The following PRKG1 variants were observed in gnomAD, a reference collection of about 807,000 sequenced individuals.
PRKG1 encodes cGMP-dependent protein kinase 1.
In PRKG1, 35 loss-of-function variants were observed where a neutral mutation model predicts 88.1. The ratio of observed to expected loss-of-function variants is 0.40; its 90% CI spans 0.30 to 0.53. The LOEUF (loss-of-function observed/expected upper bound fraction) is 0.53, where lower values mean the gene tolerates loss of function less well. PRKG1 is among the 20% of genes least tolerant of loss of function. PRKG1 has a pLI of 0.59. For synonymous variants in PRKG1, 303 were observed against 292.5 expected, an observed-to-expected ratio of 1.04 and a Z score of -0.37; for missense variants, 540 against 839.8, an observed-to-expected ratio of 0.64 and a Z score of 4.41.
At chr10:51,678,402 A>G (rs1191077873) in intron 3 of PRKG1, among the ~76,000 whole-genome samples, 12 of 152,220 alleles carry the variant, frequency 7.9e-5, no homozygotes. Flanking sequence ...TTTTTTAAAT[A>G]ATAAATTGAA....
chr10:51,661,429 GAC>G (rs1348430658), intron 3 of PRKG1, among the ~76,000 whole-genome samples: 6 of 152,214 alleles, frequency 3.9e-5, no homozygotes, highest in Admixed American at 2.0e-4. Flanking sequence ...GATATGAACA[GAC>G]ACTTCTCAAA....
chr10:51,114,740 G>T (rs9299465), intron 1 of PRKG1, among the ~76,000 whole-genome samples: 120,150 of 151,892 alleles, frequency 0.79, 48,233 homozygotes, highest in South Asian at 0.88. Flanking sequence ...ACTCTTTTCA[G>T]CTGGACAGTT....
intron 7 of PRKG1, among the ~76,000 whole-genome samples, chr10:52,099,494 A>G (rs1327814441): frequency 6.6e-6 from 1 of 152,190 alleles, no homozygotes; most frequent in African/African-American, 2.4e-5. Context: ...ATTTTGACAC[A>G]GGCCTTATTG....
rs374912680 is a variant in PRKG1, at chr10:51,230,928, C to A, written c.478+77598C>A. ...AGGCACTTTAAAGGAAAAATATGGT[C>A]ATTTTTAAGTGCACTTGCAGAGAGC... On this transcript the variant is annotated intron_variant, in intron 2 of 17. Transcript: ENST00000373980. 3.3e-5 allele frequency among the ~76,000 whole-genome samples: 5 copies of A among 152,092 alleles called. No individual in the cohort carries two copies. The South Asian group carries it at 8.3e-4, about 25-fold the overall frequency.
intron 3 of PRKG1, among the ~76,000 whole-genome samples, chr10:51,567,332 G>T (rs2132160705): frequency 6.6e-6 from 1 of 152,174 alleles, no homozygotes; most frequent in Admixed American, 6.6e-5. Flanking sequence ...CTATCAGGAT[G>T]CTGGTCCCTG....
At chr10:51,067,590 A>G (rs1264416973) in intron 1 of PRKG1, among the ~76,000 whole-genome samples, 1 of 152,040 alleles carries the variant, frequency 6.6e-6, no homozygotes, top group East Asian at 1.9e-4. Flanking sequence ...ATGATTTTCT[A>G]AAGAAACTAG....
chr10:51,379,378 G>C (rs764006861), intron 2 of PRKG1, among the ~76,000 whole-genome samples: 19 of 152,142 alleles, frequency 1.2e-4, no homozygotes, highest in African/African-American at 1.9e-4. Context: ...TACCTGTAAA[G>C]TTATTTTCAT....
intron 2 of PRKG1, among the ~76,000 whole-genome samples, chr10:51,207,785 C>T (rs564014519): frequency 6.6e-6 from 1 of 152,166 alleles, no homozygotes; most frequent in Non-Finnish European, 1.5e-5. Context: ...GTGTAGGGTT[C>T]TCTCTAATTC....
intron 4 of PRKG1, among the ~76,000 whole-genome samples, chr10:51,805,232 C>T (rs554524374): frequency 1.3e-5 from 2 of 151,858 alleles, no homozygotes; most frequent in Non-Finnish European, 2.9e-5. Context: ...TCATTTTATG[C>T]TACAGGTTTG....
intron 1 of PRKG1, among the ~76,000 whole-genome samples, chr10:51,124,731 T>C (rs2131922515): frequency 6.6e-6 from 1 of 152,320 alleles, no homozygotes; most frequent in African/African-American, 2.4e-5. Context: ...TCTATAATCC[T>C]TTTGTTTGCT....
At chr10:51,874,312 A>G (rs1841235870) in intron 4 of PRKG1, among the ~76,000 whole-genome samples, 1 of 152,250 alleles carries the variant, frequency 6.6e-6, no homozygotes, top group Non-Finnish European at 1.5e-5. Context: ...CATTAAAAAT[A>G]CATGGATGTT....
intron 2 of PRKG1, among the ~76,000 whole-genome samples, chr10:51,295,642 CCTCTTCTT>C (rs1840700787): frequency 7.6e-6 from 1 of 130,988 alleles, no homozygotes; most frequent in South Asian, 2.5e-4. Context: ...CCTTTCCTTT[CCTCTTCTT>C]TTCTTTTCTT....
At chr10:51,524,057 G>GT (rs1455835066) in intron 3 of PRKG1, among the ~76,000 whole-genome samples, 2 of 152,048 alleles carry the variant, frequency 1.3e-5, no homozygotes, top group Non-Finnish European at 2.9e-5. Flanking sequence ...TTGTTTAGAA[G>GT]TTTGTGGCAC....
intron 3 of PRKG1, among the ~76,000 whole-genome samples, chr10:51,555,383 T>G (rs1837284193): frequency 6.6e-6 from 1 of 152,082 alleles, no homozygotes; most frequent in Admixed American, 6.6e-5. Flanking sequence ...GGATGCTCAG[T>G]TCACTTGAGA....
At chr10:51,228,592 AAG>A (rs528579931) in intron 2 of PRKG1, among the ~76,000 whole-genome samples, 4 of 151,756 alleles carry the variant, frequency 2.6e-5, no homozygotes, top group Admixed American at 6.6e-5. Flanking sequence ...TTATGGGAGA[AAG>A]AGAGAGAGAG....
At chr10:51,113,743 A>AAAC (rs1189081909) in intron 1 of PRKG1, among the ~76,000 whole-genome samples, 28 of 131,546 alleles carry the variant, frequency 2.1e-4, no homozygotes, top group Admixed American at 8.0e-4. Flanking sequence ...AAAAAAAAAA[A>AAAC]AAAAAACTAA....
chr10:52,108,627 T>C (rs940633715), intron 7 of PRKG1, among the ~76,000 whole-genome samples: 3 of 152,172 alleles, frequency 2.0e-5, no homozygotes, highest in Non-Finnish European at 4.4e-5. Context: ...ATGATGTTGT[T>C]CACTAAATTA....
At chr10:52,106,420 A>T (rs1847423562) in intron 7 of PRKG1, among the ~76,000 whole-genome samples, 1 of 152,122 alleles carries the variant, frequency 6.6e-6, no homozygotes, top group African/African-American at 2.4e-5. Context: ...ACCTCTGGCA[A>T]CCTTTTCCTC....
chr10:51,774,158 G>C (rs1003340835), intron 3 of PRKG1, among the ~76,000 whole-genome samples: 6 of 152,010 alleles, frequency 3.9e-5, no homozygotes, highest in Non-Finnish European at 7.4e-5. Flanking sequence ...TTACTACCTA[G>C]AGAGCTTAAT....
Sources: gnomAD v4.1 joint callset for allele counts (sites outside exome capture counted in the v4.1 genomes callset) on GRCh38, gnomAD v4.1.1 for gene constraint, MANE v1.5 for transcripts, NCBI Gene and HGNC (gene_info 2026-07-23, HGNC 2026-07-21) for gene names.